The following DAB2IP variants were observed in gnomAD, a reference collection of about 807,000 sequenced individuals.
The protein encoded by DAB2IP is disabled homolog 2-interacting protein.
In DAB2IP, 28 loss-of-function variants were observed where a neutral mutation model predicts 107.2. The observed-to-expected ratio is 0.26, with a 90% CI of 0.19 to 0.36. DAB2IP has a LOEUF of 0.36. Among genes scored for constraint, DAB2IP ranks in the 10% least tolerant of loss-of-function variants. The pLI is 1.00. For synonymous variants in DAB2IP, 755 were observed against 706.4 expected (o/e 1.07, Z -1.09); for missense variants, 1,400 against 1,644.7 (o/e 0.85, Z 2.57).
At chr9:121,695,446 G>A (rs1829372837) in intron 2 of DAB2IP, among the ~76,000 whole-genome samples, 1 of 152,206 alleles carries the variant, frequency 6.6e-6, no homozygotes, top group Non-Finnish European at 1.5e-5. Flanking sequence ...GTCCCATAAA[G>A]TAGGTATCAT....
At chr9:121,770,938 T>C (rs1834678801) in intron 11 of DAB2IP, among the ~76,000 whole-genome samples, 1 of 151,134 alleles carries the variant, frequency 6.6e-6, no homozygotes, top group South Asian at 2.1e-4. Flanking sequence ...GTTTGTTTTG[T>C]TTTGGGAAAA....
intron 3 of DAB2IP, among the ~76,000 whole-genome samples, chr9:121,722,358 C>T (rs1198307583): frequency 5.3e-5 from 8 of 152,174 alleles, no homozygotes; most frequent in African/African-American, 9.7e-5. Flanking sequence ...AGGGTTTGAA[C>T]GGCTCTGGCC....
At chr9:121,656,354 G>A (rs1431580799) in intron 1 of DAB2IP, among the ~76,000 whole-genome samples, 1 of 152,180 alleles carries the variant, frequency 6.6e-6, no homozygotes, top group Admixed American at 6.5e-5. Context: ...TGGGGCAACA[G>A]CTTGGACTTC....
chr9:121,642,431 T>G (rs1832385809), intron 1 of DAB2IP, among the ~76,000 whole-genome samples: 1 of 151,216 alleles, frequency 6.6e-6, no homozygotes, highest in Non-Finnish European at 1.5e-5. Flanking sequence ...TCCACCCACC[T>G]CAGCCTCCCA....
At chr9:121,579,766 A>G (rs899409939) in intron 1 of DAB2IP, among the ~76,000 whole-genome samples, 10 of 152,202 alleles carry the variant, frequency 6.6e-5, no homozygotes, top group East Asian at 1.9e-4. Context: ...TTTCTGCTGC[A>G]TATTTGTTGA....
intron 1 of DAB2IP, among the ~76,000 whole-genome samples, chr9:121,657,588 G>C (rs1409402800): frequency 6.6e-6 from 1 of 152,128 alleles, no homozygotes; most frequent in Non-Finnish European, 1.5e-5. Flanking sequence ...GCATTTTCCT[G>C]TCGGGGTGGT....
At chr9:121,731,471 A>T (rs917257392) in intron 3 of DAB2IP, among the ~76,000 whole-genome samples, 2 of 152,208 alleles carry the variant, frequency 1.3e-5, no homozygotes, top group African/African-American at 4.8e-5. Context: ...TGAAGTAGGG[A>T]GTATCTAAGG....
At chr9:121,713,256 C>G (rs1315962376) in intron 3 of DAB2IP, among the ~76,000 whole-genome samples, 2 of 152,190 alleles carry the variant, frequency 1.3e-5, no homozygotes, top group Non-Finnish European at 2.9e-5. Context: ...TCTTGGCCAC[C>G]AAGAAACCAT....
chr9:121,672,547 A>T (rs1053882622), intron 1 of DAB2IP, among the ~76,000 whole-genome samples: 1 of 152,206 alleles, frequency 6.6e-6, no homozygotes, highest in Admixed American at 6.5e-5. Flanking sequence ...GCATTTCTCC[A>T]GCTGTGGCTT....
chr9:121,589,310 C>A (rs1274085612), intron 1 of DAB2IP, among the ~76,000 whole-genome samples: 2 of 152,158 alleles, frequency 1.3e-5, no homozygotes, highest in African/African-American at 4.8e-5. Context: ...CTCCTGCCCC[C>A]TCTCATGGCT....
At chr9:121,672,104 G>C (rs1451681831) in intron 1 of DAB2IP, among the ~76,000 whole-genome samples, 1 of 152,162 alleles carries the variant, frequency 6.6e-6, no homozygotes, top group East Asian at 1.9e-4. Flanking sequence ...TTCTAGACTG[G>C]TTTCTTTTTC....
intron 1 of DAB2IP, among the ~76,000 whole-genome samples, chr9:121,590,132 T>C (rs1206363118): frequency 1.3e-5 from 2 of 151,862 alleles, no homozygotes; most frequent in Non-Finnish European, 2.9e-5. Flanking sequence ...CCTCCATGCA[T>C]AGTGTCTGAC....
chr9:121,757,163 C>T (rs756591765), exon 4 of DAB2IP: 19 of 1,613,670 alleles, frequency 1.2e-5, no homozygotes, highest in Admixed American at 1.7e-5. Context: ...ACTACTGCTT[C>T]GAGGTGGGTC....
chr9:121,588,635 A>C, intron 1 of DAB2IP, among the ~76,000 whole-genome samples: 1 of 149,374 alleles, frequency 6.7e-6, no homozygotes, highest in African/African-American at 2.5e-5. Context: ...AAGGGAAGGG[A>C]AGGGAAGGAA....
rs562561701 is a variant in DAB2IP at position 121,628,057 on chromosome 9, C to T, written c.41-50621C>T. ...TTAGGAAAGTGGTCATTGCTAAGAA[C>T]GACACTGCTGTTATTCCTGCCATGC... On this transcript the variant is annotated intron_variant, in intron 1 of 16. Coordinates refer to the DAB2IP transcript ENST00000259371. 9.2e-5 allele frequency among the ~76,000 whole-genome samples: 14 copies of T among 152,334 alleles called. No homozygotes were observed. The South Asian group carries it at 1.2e-3, about 14-fold the overall frequency.
chr9:121,683,545 G>C (rs188527803), intron 2 of DAB2IP, among the ~76,000 whole-genome samples: 2 of 152,292 alleles, frequency 1.3e-5, no homozygotes, highest in Admixed American at 1.3e-4. Flanking sequence ...TTAGGTCTCA[G>C]GGCTATTTTT....
At chr9:121,741,501 C>G (rs1018097027) in intron 3 of DAB2IP, among the ~76,000 whole-genome samples, 31 of 152,124 alleles carry the variant, frequency 2.0e-4, no homozygotes, top group Admixed American at 2.0e-3. Flanking sequence ...CTTGCTTAGT[C>G]TGGGCTTGGG....
intron 3 of DAB2IP, among the ~76,000 whole-genome samples, chr9:121,739,605 G>A (rs1472233394): frequency 6.6e-6 from 1 of 152,172 alleles, no homozygotes; most frequent in African/African-American, 2.4e-5. Context: ...CAGGATTTGT[G>A]TTGGATTGGA....
intron 2 of DAB2IP, among the ~76,000 whole-genome samples, chr9:121,686,162 C>T (rs1034435098): frequency 3.9e-5 from 6 of 152,190 alleles, no homozygotes; most frequent in African/African-American, 1.4e-4. Flanking sequence ...TTTTCTCAAG[C>T]AGGTTCTCAG....
Sources: gnomAD v4.1 joint callset for allele counts (sites outside exome capture counted in the v4.1 genomes callset) on GRCh38, gnomAD v4.1.1 for gene constraint, MANE v1.5 for transcripts, NCBI Gene and HGNC (gene_info 2026-07-23, HGNC 2026-07-21) for gene names.